The following SGCZ variants were observed in gnomAD, a reference collection of about 807,000 sequenced individuals.
SGCZ encodes zeta-sarcoglycan.
Under a neutral mutation model 41.3 loss-of-function variants are expected in SGCZ, and 40 were observed. That is an observed-to-expected ratio of 0.97 (90% CI 0.75 to 1.26). The LOEUF (loss-of-function observed/expected upper bound fraction) is 1.26, where lower values mean the gene tolerates loss of function less well. Among genes scored for constraint, SGCZ ranks in the 50% most tolerant of loss-of-function variants. The pLI is 0.00. For missense variants in SGCZ, 552 were observed against 369.8 expected (o/e 1.49, Z -4.04); for synonymous variants, 206 against 137.5 (o/e 1.50, Z -3.49).
In SGCZ at chr8:14,188,512, G is replaced by C. The variant is rs542393846; in HGVS notation, c.425-23810C>G. Among the ~76,000 whole-genome samples the C allele has an allele frequency of 4.6e-5, 7 of 152,268 alleles. No homozygotes were observed. The East Asian group carries it at 1.4e-3, about 29-fold the overall frequency. On this transcript the variant is annotated intron_variant, in intron 4 of 7. Transcript: ENST00000382080. ...CAGAATATAAAAATCTTTGAATGCA[G>C]AAAGTAGGGTAGTAATTGCCTAGAG...
chr8:14,414,047 C>G (rs1799430312), intron 2 of SGCZ, among the ~76,000 whole-genome samples: 1 of 151,984 alleles, frequency 6.6e-6, no homozygotes, highest in Non-Finnish European at 1.5e-5. Flanking sequence ...TTATACCTTT[C>G]ACAACAGTTG....
chr8:14,469,706 G>C (rs1210949021), intron 2 of SGCZ, among the ~76,000 whole-genome samples: 2 of 152,064 alleles, frequency 1.3e-5, no homozygotes, highest in East Asian at 1.9e-4. Flanking sequence ...TTTCAGGGAG[G>C]AGATATTGGC....
intron 2 of SGCZ, among the ~76,000 whole-genome samples, chr8:14,454,835 A>G (rs1800696600): frequency 6.6e-6 from 1 of 152,208 alleles, no homozygotes. Flanking sequence ...ATTTAAAAAT[A>G]TTAAGGTTAA....
intron 2 of SGCZ, among the ~76,000 whole-genome samples, chr8:14,352,444 A>C (rs1042600608): frequency 6.6e-6 from 1 of 152,118 alleles, no homozygotes; most frequent in Non-Finnish European, 1.5e-5. Flanking sequence ...GTAGTTTTAT[A>C]AAAGCCAAGA....
chr8:14,615,064 A>T (rs11203645), intron 1 of SGCZ, among the ~76,000 whole-genome samples: 7 of 151,888 alleles, frequency 4.6e-5, no homozygotes, highest in Admixed American at 1.3e-4. Context: ...GAATTTTGTG[A>T]AAGTTTAACA....
chr8:14,397,015 T>C (rs1798938608), intron 2 of SGCZ, among the ~76,000 whole-genome samples: 1 of 152,184 alleles, frequency 6.6e-6, no homozygotes, highest in Non-Finnish European at 1.5e-5. Context: ...AGCAAAGTTA[T>C]TTGAACTTTA....
chr8:14,421,269 A>G (rs1406430855), intron 2 of SGCZ, among the ~76,000 whole-genome samples: 1 of 152,056 alleles, frequency 6.6e-6, no homozygotes, highest in Non-Finnish European at 1.5e-5. Context: ...CTCTTTTTAG[A>G]TGAATTTATT....
At chr8:14,907,771 A>C (rs912892256) in intron 1 of SGCZ, among the ~76,000 whole-genome samples, 1 of 152,202 alleles carries the variant, frequency 6.6e-6, no homozygotes, top group Non-Finnish European at 1.5e-5. Context: ...ATGCACAGAA[A>C]TGAGCCACAA....
At chr8:15,078,834 T>C (rs1203472406) in intron 1 of SGCZ, among the ~76,000 whole-genome samples, 1 of 149,776 alleles carries the variant, frequency 6.7e-6, no homozygotes, top group African/African-American at 2.5e-5. Context: ...TAGTTACATT[T>C]ATAACTATAA....
At chr8:14,498,960 T>A (rs1285932013) in intron 2 of SGCZ, among the ~76,000 whole-genome samples, 2 of 152,088 alleles carry the variant, frequency 1.3e-5, no homozygotes, top group Non-Finnish European at 2.9e-5. Context: ...CAGCAGTATC[T>A]ATGAATGGTC....
At chr8:14,795,618 AGCCCTCATATTAAAAT>A (rs1469702989) in intron 1 of SGCZ, among the ~76,000 whole-genome samples, 5 of 152,244 alleles carry the variant, frequency 3.3e-5, no homozygotes, top group African/African-American at 1.2e-4. Context: ...GTGCAAATTA[AGCCCTCATATTAAAAT>A]GCAAAACAAA....
intron 2 of SGCZ, among the ~76,000 whole-genome samples, chr8:14,396,007 G>A (rs1322999341): frequency 6.6e-6 from 1 of 152,156 alleles, no homozygotes. Flanking sequence ...CACTGTATGT[G>A]CGTTTATGAT....
At chr8:15,185,696 C>A (rs1485877767) in intron 1 of SGCZ, among the ~76,000 whole-genome samples, 2 of 152,052 alleles carry the variant, frequency 1.3e-5, no homozygotes, top group African/African-American at 2.4e-5. Context: ...CTTGAGACAT[C>A]CTGAAGACTA....
chr8:15,006,236 C>T (rs1467462511), intron 1 of SGCZ, among the ~76,000 whole-genome samples: 3 of 152,174 alleles, frequency 2.0e-5, no homozygotes, highest in African/African-American at 7.2e-5. Flanking sequence ...GAGTACACTT[C>T]AGTCTCCAGA....
intron 1 of SGCZ, among the ~76,000 whole-genome samples, chr8:14,999,652 T>C (rs1207453598): frequency 2.0e-5 from 3 of 152,056 alleles, no homozygotes; most frequent in East Asian, 3.9e-4. Flanking sequence ...CTGCTTCTAT[T>C]ACAGTCTCTG....
At chr8:14,685,855 A>C (rs2117554632) in intron 1 of SGCZ, among the ~76,000 whole-genome samples, 1 of 152,260 alleles carries the variant, frequency 6.6e-6, no homozygotes, top group Non-Finnish European at 1.5e-5. Context: ...CAATGAATAA[A>C]CCTTTCACTG....
chr8:15,102,271 G>A (rs992349143), intron 1 of SGCZ, among the ~76,000 whole-genome samples: 3 of 152,172 alleles, frequency 2.0e-5, no homozygotes, highest in Non-Finnish European at 2.9e-5. Context: ...AACCTTCAAT[G>A]CAGATTTGCT....
At chr8:14,504,597 CTTTG>C (rs1357152698) in intron 2 of SGCZ, among the ~76,000 whole-genome samples, 1 of 151,986 alleles carries the variant, frequency 6.6e-6, no homozygotes, top group African/African-American at 2.4e-5. Flanking sequence ...TCTCTTGTTT[CTTTG>C]TTTTTTCTGT....
At chr8:15,077,418 T>G (rs1316565327) in intron 1 of SGCZ, among the ~76,000 whole-genome samples, 1 of 152,206 alleles carries the variant, frequency 6.6e-6, no homozygotes, top group Non-Finnish European at 1.5e-5. Flanking sequence ...AGTAAGAACT[T>G]GTTGCAAGAA....
Sources: allele counts gnomAD v4.1 joint callset (sites outside exome capture counted in the v4.1 genomes callset), GRCh38; gene constraint gnomAD v4.1.1; transcripts MANE v1.5; gene names NCBI Gene and HGNC (gene_info 2026-07-23, HGNC 2026-07-21).